ZBTB20: variants seen among roughly 807,000 people sequenced by gnomAD.
ZBTB20 encodes zinc finger and BTB domain containing 20, also known as zinc finger and BTB domain-containing protein 20.
A neutral mutation model predicts 56.9 loss-of-function variants in ZBTB20; 9 were observed. The ratio of observed to expected loss-of-function variants is 0.16; its 90% CI spans 0.10 to 0.28. ZBTB20 has a LOEUF of 0.28. ZBTB20 is among the 10% of genes least tolerant of loss of function. ZBTB20 has a pLI of 1.00. For synonymous variants in ZBTB20, 417 were observed against 420.7 expected, an observed-to-expected ratio of 0.99 and a Z score of 0.11; for missense variants, 655 against 1,003.0, an observed-to-expected ratio of 0.65 and a Z score of 4.69.
intron 6 of ZBTB20, among the ~76,000 whole-genome samples, chr3:114,642,564 G>A (rs1267374715): frequency 1.3e-5 from 2 of 151,922 alleles, no homozygotes; most frequent in African/African-American, 2.4e-5. Flanking sequence ...CAGTAGTTAC[G>A]GTACCACAAA....
intron 7 of ZBTB20, among the ~76,000 whole-genome samples, chr3:114,426,420 C>T (rs1439708407): frequency 1.3e-5 from 2 of 151,812 alleles, no homozygotes; most frequent in African/African-American, 2.4e-5. Context: ...TGTCACAGTT[C>T]CCTCTTTAGT....
At chr3:114,486,585 T>C (rs2042175900) in intron 7 of ZBTB20, among the ~76,000 whole-genome samples, 1 of 152,172 alleles carries the variant, frequency 6.6e-6, no homozygotes, top group African/African-American at 2.4e-5. Flanking sequence ...GAAAATTATT[T>C]TGACTGAAGA....
At chr3:114,860,945 T>C (rs1447766214) in intron 4 of ZBTB20, among the ~76,000 whole-genome samples, 1 of 152,232 alleles carries the variant, frequency 6.6e-6, no homozygotes, top group African/African-American at 2.4e-5. Flanking sequence ...CTACAGGTTG[T>C]ATAAGGCAAG....
At chr3:114,601,773 C>T (rs967237474) in intron 6 of ZBTB20, among the ~76,000 whole-genome samples, 1 of 149,162 alleles carries the variant, frequency 6.7e-6, no homozygotes, top group Non-Finnish European at 1.5e-5. Context: ...GCAGAATAAA[C>T]TGCATGAACA....
At chr3:114,405,249 A>G (rs994620545) in intron 7 of ZBTB20, among the ~76,000 whole-genome samples, 1 of 152,182 alleles carries the variant, frequency 6.6e-6, no homozygotes, top group African/African-American at 2.4e-5. Flanking sequence ...AAGTTTAGTC[A>G]TTGGATATAG....
In ZBTB20 at chr3:114,350,986, C is replaced by A; in HGVS notation, c.1092G>T (p.Glu364Asp). The A allele has an allele frequency of 6.2e-7, 1 of 1,609,206 alleles. No homozygotes were observed. The highest frequency in any genetic ancestry group is 1.1e-5 in the South Asian group (1 of 91,028). The part of the protein sequence containing the change: ...EECTEDTDQA[E>D]GTESEPKGES... ...CACCTTTGGGCTCACTCTCGGTGCC[C>A]TCGGCCTGGTCTGTGTCTTCCGTGC... The change falls in exon 11 of 12, where the codon GAG becomes GAT. Residue 364 changes from glutamate to aspartate, a missense_variant. By Grantham distance (45) the Glu-to-Asp change is conservative. This residue lies in a region of ZBTB20 where 156 missense variants were observed against 181.0 expected (regional missense o/e 0.86). Transcript: ENST00000675478.
intron 5 of ZBTB20, among the ~76,000 whole-genome samples, chr3:114,756,234 AAACT>A (rs2068001926): frequency 6.6e-6 from 1 of 152,192 alleles, no homozygotes; most frequent in Non-Finnish European, 1.5e-5. Flanking sequence ...TAAAAAATAA[AAACT>A]AACCACCTAA....
intron 7 of ZBTB20, among the ~76,000 whole-genome samples, chr3:114,390,494 A>AT (rs781742468): frequency 2.0e-5 from 3 of 151,708 alleles, no homozygotes; most frequent in Admixed American, 6.6e-5. Flanking sequence ...GAATTACCCT[A>AT]TTTTTTCCCC....
At chr3:114,862,124 T>C (rs2075563474) in intron 4 of ZBTB20, among the ~76,000 whole-genome samples, 1 of 152,208 alleles carries the variant, frequency 6.6e-6, no homozygotes, top group South Asian at 2.1e-4. Context: ...TCTATCATAA[T>C]TTTAGTAGCA....
chr3:114,414,094 G>C (rs2088263188), intron 7 of ZBTB20, among the ~76,000 whole-genome samples: 1 of 152,170 alleles, frequency 6.6e-6, no homozygotes, highest in South Asian at 2.1e-4. Context: ...CATTAAGAGG[G>C]AACAAAAGAA....
chr3:115,027,524 C>T (rs1259739536), intron 2 of ZBTB20: 1 of 150,888 alleles, frequency 6.6e-6, no homozygotes, highest in Non-Finnish European at 1.5e-5. Flanking sequence ...ACTCCCATGT[C>T]CAAAGGCTTC....
intron 5 of ZBTB20, among the ~76,000 whole-genome samples, chr3:114,754,206 G>A (rs1291589459): frequency 1.3e-5 from 2 of 152,150 alleles, no homozygotes; most frequent in African/African-American, 2.4e-5. Context: ...ATCTTTTACA[G>A]GCCAGCTGAG....
chr3:114,490,931 C>G (rs79194947), intron 7 of ZBTB20, among the ~76,000 whole-genome samples: 8,966 of 152,234 alleles, frequency 0.059, 583 homozygotes, highest in African/African-American at 0.15. Flanking sequence ...GGAATGACAT[C>G]GGTCTCCTGG....
rs771351338 is a variant in ZBTB20 at position 114,798,320 on chromosome 3, AC to A, written c.-343+2780del. ...CTCGTTGCTCAACCAAAGGCATGAT[AC>A]TAGGAACAAAATTAAAAAACAAAAA... On this transcript the variant is annotated intron_variant, in intron 5 of 11. Coordinates refer to ENST00000675478, the MANE Select transcript of ZBTB20 (RefSeq NM_001348800.3). 2.8e-4 allele frequency among the ~76,000 whole-genome samples: 38 copies of A among 137,958 alleles called. No individual in the cohort carries two copies. In the East Asian group the frequency reaches 6.7e-3, roughly 24 times the overall value. 90.5% of individuals were successfully genotyped at this position (137,958 alleles called of 152,430 possible).
rs571860272 is a variant in ZBTB20, at chr3:115,077,985, C to A, written c.-702-6571G>T. 9.2e-5 allele frequency among the ~76,000 whole-genome samples: 14 copies of A among 152,222 alleles called. No homozygotes were observed. The South Asian group carries it at 2.7e-3, about 29-fold the overall frequency. ...AAATCATTTAATCCTCAGGACAACCCAATAGGTACTACTTTTAGCCTCAAT... is the reference window on the plus strand; with the variant it reads ...AAATCATTTAATCCTCAGGACAACCAAATAGGTACTACTTTTAGCCTCAAT... On this transcript the variant is annotated intron_variant, in intron 1 of 11. Transcript: ENST00000675478.
At chr3:114,508,677 T>C (rs2044948720) in intron 6 of ZBTB20, among the ~76,000 whole-genome samples, 1 of 152,076 alleles carries the variant, frequency 6.6e-6, no homozygotes, top group Non-Finnish European at 1.5e-5. Flanking sequence ...TGCATTCCAA[T>C]GTAACTTGTA....
intron 1 of ZBTB20, among the ~76,000 whole-genome samples, chr3:115,072,667 A>G (rs886416522): frequency 6.6e-6 from 1 of 152,148 alleles, no homozygotes; most frequent in African/African-American, 2.4e-5. Context: ...GCCTTTTCTG[A>G]TTAAGTTCAC....
intron 7 of ZBTB20, among the ~76,000 whole-genome samples, chr3:114,453,375 CTTAA>C (rs2109047612): frequency 6.6e-6 from 1 of 152,242 alleles, no homozygotes; most frequent in South Asian, 2.1e-4. Flanking sequence ...ACTACCTTTT[CTTAA>C]TAACTGACAA....
intron 8 of ZBTB20, among the ~76,000 whole-genome samples, chr3:114,383,076 A>T (rs1450009001): frequency 6.6e-6 from 1 of 152,222 alleles, no homozygotes; most frequent in Non-Finnish European, 1.5e-5. Context: ...ATCCCAATTA[A>T]GTTTCCTACT....
Sources: allele counts gnomAD v4.1 joint callset (sites outside exome capture counted in the v4.1 genomes callset), GRCh38; gene constraint gnomAD v4.1.1; regional missense constraint gnomAD v4.1.1; transcripts MANE v1.5; gene names NCBI Gene and HGNC (gene_info 2026-07-23, HGNC 2026-07-21).